OTOG: variants seen among roughly 807,000 people sequenced by gnomAD.
OTOG encodes otogelin.
A neutral mutation model predicts 313.8 loss-of-function variants in OTOG; 296 were observed. The ratio of observed to expected loss-of-function variants is 0.94; its 90% confidence interval spans 0.86 to 1.04. OTOG has a LOEUF of 1.04. Among genes scored for constraint, OTOG ranks in the 50% least tolerant of loss-of-function variants. OTOG has a pLI of 0.00. For missense variants in OTOG, 3,948 were observed against 3,840.1 expected (o/e 1.03, Z -0.74); for synonymous variants, 1,533 against 1,554.9 (o/e 0.99, Z 0.33).
chr11:17,595,416 T>C lies in OTOG; in HGVS notation c.3409-622T>C, dbSNP rs374357116. Among the ~76,000 whole-genome samples, 13 of 152,276 alleles carry C rather than the reference T, an allele frequency of 8.5e-5. No homozygotes were observed. In the East Asian group the frequency reaches 2.3e-3, roughly 27 times the overall value. ...TAGTTATCTACTGCTATATAAAAATTTTATGAGACTTAGTGGCATTAAACA... is the reference window on the plus strand; with the variant it reads ...TAGTTATCTACTGCTATATAAAAATCTTATGAGACTTAGTGGCATTAAACA... On this transcript the variant is annotated intron_variant, in intron 28 of 55. Transcript: ENST00000399397.
chr11:17,592,908 G>A (rs1019718120), intron 25 of OTOG, among the ~76,000 whole-genome samples: 3 of 152,198 alleles, frequency 2.0e-5, no homozygotes, highest in African/African-American at 2.4e-5. Context: ...GTGAGACAGT[G>A]CCTCTTCCCC....
At position 17,621,051 on chromosome 11, in the gene OTOG, T is replaced by G. The variant is rs113304601; in HGVS notation, c.6528+7350T>G. Among the ~76,000 whole-genome samples, 165 of 152,320 alleles carry G rather than the reference T, an allele frequency of 1.1e-3. 1 individual carries two copies. Among genetic ancestry groups the G allele is most frequent in the African/African-American group, 3.8e-3 (157 of 41,572 alleles). The stretch of plus-strand genomic sequence containing the variant: ...TTAAAAATAATTGTTTGTATTTCCT[T>G]GTCTACCGTGTGTGTCATTTCTCAG... On this transcript the variant is annotated intron_variant, in intron 39 of 55. Transcript: ENST00000399397.
At chr11:17,565,626 G>A (rs1852280327) in intron 15 of OTOG, among the ~76,000 whole-genome samples, 1 of 152,132 alleles carries the variant, frequency 6.6e-6, no homozygotes, top group Non-Finnish European at 1.5e-5. Context: ...TTTCTGCCAG[G>A]GAGATTTGTC....
At chr11:17,582,395 T>C (rs369170953) in intron 23 of OTOG, among the ~76,000 whole-genome samples, 4 of 152,294 alleles carry the variant, frequency 2.6e-5, no homozygotes, top group African/African-American at 9.6e-5. Flanking sequence ...AAGAAAACAG[T>C]TATTTATCTG....
At chr11:17,547,637 G>A (rs886101364) in intron 1 of OTOG, 171 bp downstream of exon 1, 3 of 1,212,978 alleles carry the variant, frequency 2.5e-6, no homozygotes, top group Non-Finnish European at 3.1e-6. Context: ...GAAGCCAACA[G>A]AGGCAGGCCT....
intron 39 of OTOG, among the ~76,000 whole-genome samples, chr11:17,624,609 T>C (rs926430645): frequency 6.6e-6 from 1 of 152,232 alleles, no homozygotes; most frequent in Non-Finnish European, 1.5e-5. Context: ...TTTGTTCTTT[T>C]TGCTTAGGAT....
rs770039471 is a variant in OTOG at position 17,629,140 on chromosome 11, T to C, written c.6536T>C (p.Val2179Ala). 717 of 1,550,220 alleles carry C rather than the reference T, an allele frequency of 4.6e-4. No individual in the cohort carries two copies. Among genetic ancestry groups the C allele is most frequent in the Middle Eastern group, 1.3e-3 (8 of 6,012 alleles). Residue 2179 changes from valine to alanine, a missense_variant, in exon 40 of 56, where the codon GTG becomes GCG. Coordinates refer to ENST00000399397, the MANE Select transcript of OTOG (RefSeq NM_001292063.2). Reference sequence around the variant, plus strand: ...ACTGAATTCCCTCCCAAGGTGACTGTGGACTTGCAGCCTGTGTGGCCACCG... The same window carrying C: ...ACTGAATTCCCTCCCAAGGTGACTGCGGACTTGCAGCCTGTGTGGCCACCG... The part of the protein sequence containing the change: ...TIDRFNRKVT[V>A]DLQPVWPPVS...
At chr11:17,585,776 C>T (rs896828082) in intron 23 of OTOG, among the ~76,000 whole-genome samples, 12 of 152,136 alleles carry the variant, frequency 7.9e-5, no homozygotes, top group African/African-American at 2.9e-4. Flanking sequence ...CAAGGGACTC[C>T]TTTGAGTATA....
chr11:17,557,973 G>C (rs535966637), intron 8 of OTOG, among the ~76,000 whole-genome samples: 35 of 152,274 alleles, frequency 2.3e-4, no homozygotes, highest in African/African-American at 7.9e-4. Context: ...AGCTACTACA[G>C]GTTCCTGAGC....
chr11:17,627,426 T>C (rs1201723323), intron 39 of OTOG, among the ~76,000 whole-genome samples: 1 of 152,188 alleles, frequency 6.6e-6, no homozygotes, highest in African/African-American at 2.4e-5. Context: ...ATCACTTTGA[T>C]TTGCGTATGT....
chr11:17,636,435 G>A (rs1854268071), intron 47 of OTOG, among the ~76,000 whole-genome samples: 1 of 152,132 alleles, frequency 6.6e-6, no homozygotes, highest in African/African-American at 2.4e-5. Flanking sequence ...ACTGATAATA[G>A]GAGAAGCATG....
intron 39 of OTOG, 107 bp from the exon 40 acceptor site, chr11:17,629,026 T>A: frequency 8.7e-7 from 1 of 1,144,244 alleles, no homozygotes. Flanking sequence ...GTTTGTCAGA[T>A]GATGGGTGGA....
chr11:17,645,542 C>T (rs1848055931), intron 54 of OTOG, 22 bp from the exon 55 acceptor site: 1 of 1,548,886 alleles, frequency 6.5e-7, no homozygotes, highest in Non-Finnish European at 8.7e-7. Context: ...GCCACAGCTG[C>T]CTCATCCCCC....
At chr11:17,637,325 T>G (rs1373236244) in intron 47 of OTOG, among the ~76,000 whole-genome samples, 1 of 152,182 alleles carries the variant, frequency 6.6e-6, no homozygotes, top group Non-Finnish European at 1.5e-5. Flanking sequence ...TCTTCCTGTT[T>G]GTCCAATCCA....
chr11:17,600,239 G>T (rs1300088912), intron 31 of OTOG, among the ~76,000 whole-genome samples: 2 of 138,662 alleles, frequency 1.4e-5, no homozygotes, highest in Non-Finnish European at 3.1e-5. Flanking sequence ...CCCAGGGGAG[G>T]TTAATGTCCA....
rs956086001 is a variant in OTOG at position 17,547,417 on chromosome 11, G to A, written c.45G>A (p.Trp15Ter). The change falls in exon 1 of 56, where the codon TGG becomes TGA. Residue 15 changes from tryptophan (W) to a stop codon, truncating the protein, a stop_gained. Transcript: ENST00000399397. LOFTEE classifies it high-confidence loss of function. ...CGCTCTGCTGGCTGCTTTGTGTCTG[G>A]CTGCCCTGGGGTGAGCAGGCAGCCG... is the stretch of plus-strand genomic sequence containing the variant. ...ASALCWLLCV[W>*]LPWGEQAAES... 2 of 1,418,670 alleles carry A rather than the reference G, an allele frequency of 1.4e-6. No homozygotes were observed. Among genetic ancestry groups the A allele is most frequent in the African/African-American group, 3.0e-5 (2 of 67,314 alleles). 87.9% of individuals were successfully genotyped at this position (1,418,670 alleles called of 1,614,324 possible). A position where few individuals can be genotyped will look rare whatever the true frequency, so the allele number is the denominator to read the frequency against.
intron 39 of OTOG, among the ~76,000 whole-genome samples, chr11:17,623,110 A>G (rs1180406479): frequency 2.0e-5 from 3 of 152,136 alleles, no homozygotes; most frequent in African/African-American, 4.8e-5. Context: ...GAACATTTTC[A>G]TATGCCTGTT....
chr11:17,558,470 G>T, intron 9 of OTOG, 68 bp from the exon 10 acceptor site: 1 of 1,534,322 alleles, frequency 6.5e-7, no homozygotes. Flanking sequence ...AGCTCAAGTT[G>T]GGGTTCTGTG....
chr11:17,587,328 G>T (rs1852819216), intron 24 of OTOG, among the ~76,000 whole-genome samples: 1 of 152,230 alleles, frequency 6.6e-6, no homozygotes, highest in Non-Finnish European at 1.5e-5. Context: ...GCAGTGGGTA[G>T]ACTCAGCTTT....
Sources: allele counts gnomAD v4.1 joint callset (sites outside exome capture counted in the v4.1 genomes callset), GRCh38; gene constraint gnomAD v4.1.1; transcripts MANE v1.5; gene names NCBI Gene and HGNC (gene_info 2026-07-23, HGNC 2026-07-21).